Variants in CNTNAP4 observed in about 807,000 individuals in gnomAD.
CNTNAP4 encodes the protein contactin-associated protein-like 4.
A neutral mutation model predicts 148.4 loss-of-function variants in CNTNAP4; 98 were observed. The ratio of observed to expected loss-of-function variants is 0.66; its 90% confidence interval spans 0.56 to 0.78. The LOEUF (loss-of-function observed/expected upper bound fraction) is 0.78, where lower values mean the gene tolerates loss of function less well. Among genes scored for constraint, CNTNAP4 ranks in the 30% least tolerant of loss-of-function variants. The pLI is 0.00. For synonymous variants in CNTNAP4, 730 were observed against 565.1 expected, an observed-to-expected ratio of 1.29 and a Z score of -4.14; for missense variants, 1,935 against 1,565.6, an observed-to-expected ratio of 1.24 and a Z score of -3.98.
In CNTNAP4 at chr16:76,370,896, C is replaced by G. The variant is rs11647332; in HGVS notation, c.390+15385C>G. On this transcript the variant is annotated intron_variant, in intron 3 of 23. Transcript: ENST00000611870. ...AAGTTTCCCCCTAAATTTATGTTAA[C>G]TAGTGCCACATGTATAAAATGTTAC... Among the ~76,000 whole-genome samples the G allele has an allele frequency of 9.2e-3, 1,400 of 152,188 alleles. 19 individuals carry two copies. The highest frequency in any genetic ancestry group is 0.027 in the African/African-American group (1,125 of 41,506).
chr16:76,338,668 A>G (rs750944776), intron 2 of CNTNAP4, among the ~76,000 whole-genome samples: 1 of 152,072 alleles, frequency 6.6e-6, no homozygotes, highest in Non-Finnish European at 1.5e-5. Flanking sequence ...TAAAAGATGA[A>G]CTCCAGGAGG....
At chr16:76,529,421 A>T (rs1198467168) in intron 17 of CNTNAP4, among the ~76,000 whole-genome samples, 1 of 152,230 alleles carries the variant, frequency 6.6e-6, no homozygotes, top group Non-Finnish European at 1.5e-5. Flanking sequence ...GTAGACTCAC[A>T]AACATTGTCC....
intron 3 of CNTNAP4, among the ~76,000 whole-genome samples, chr16:76,389,753 A>G (rs561000776): frequency 6.6e-6 from 1 of 152,118 alleles, no homozygotes; most frequent in Admixed American, 6.6e-5. Context: ...GGCGTGAGCC[A>G]CCACATCCAG....
intron 15 of CNTNAP4, among the ~76,000 whole-genome samples, chr16:76,498,903 AG>A (rs1364749880): frequency 3.9e-5 from 6 of 152,148 alleles, no homozygotes; most frequent in Non-Finnish European, 8.8e-5. Flanking sequence ...GACTGGGGAC[AG>A]GAAAGAATGG....
chr16:76,431,355 A>G lies in CNTNAP4; in HGVS notation c.538+3756A>G, dbSNP rs534004027. ...CTCTTGTTTGGACAAGTGATGGTAG[A>G]ACCCCAAGCTAGAGGAACAGCAATC... is the stretch of plus-strand genomic sequence containing the variant. On this transcript the variant is annotated intron_variant, in intron 4 of 23. Coordinates refer to ENST00000611870, the MANE Select transcript of CNTNAP4 (RefSeq NM_033401.5). Among the ~76,000 whole-genome samples, 147 of 152,220 alleles carry G rather than the reference A, an allele frequency of 9.7e-4. 1 individual carries two copies. In the South Asian group the frequency reaches 0.015, roughly 16 times the overall value.
At chr16:76,413,872 T>G (rs2144937330) in intron 3 of CNTNAP4, among the ~76,000 whole-genome samples, 1 of 151,430 alleles carries the variant, frequency 6.6e-6, no homozygotes, top group South Asian at 2.1e-4. Context: ...CATTCAAAAA[T>G]TTCACTTTCT....
chr16:76,429,481 A>G (rs1289245786), intron 4 of CNTNAP4, among the ~76,000 whole-genome samples: 1 of 152,206 alleles, frequency 6.6e-6, no homozygotes, highest in Non-Finnish European at 1.5e-5. Flanking sequence ...CCCATTTATT[A>G]GAGAGAAAAC....
intron 3 of CNTNAP4, among the ~76,000 whole-genome samples, chr16:76,371,534 G>A (rs903173199): frequency 1.1e-4 from 16 of 152,012 alleles, no homozygotes; most frequent in African/African-American, 3.9e-4. Context: ...ATCTGCCCAC[G>A]TCAGCCTCCC....
At chr16:76,428,217 G>A (rs950925181) in intron 4 of CNTNAP4, among the ~76,000 whole-genome samples, 1 of 152,076 alleles carries the variant, frequency 6.6e-6, no homozygotes, top group Non-Finnish European at 1.5e-5. Flanking sequence ...TTGTGAGGAA[G>A]GGACCTAAGA....
At chr16:76,448,289 C>A in intron 5 of CNTNAP4, 74 bp downstream of exon 5, 1 of 1,068,414 alleles carries the variant, frequency 9.4e-7, no homozygotes, top group Non-Finnish European at 1.4e-6. Context: ...GCTTTTATAG[C>A]TTATCTTTTA....
intron 15 of CNTNAP4, among the ~76,000 whole-genome samples, chr16:76,511,821 G>T (rs1486156827): frequency 1.4e-5 from 2 of 139,128 alleles, no homozygotes; most frequent in African/African-American, 5.5e-5. Flanking sequence ...CGGTATTCTT[G>T]GAGCTTATAT....
chr16:76,331,908 A>G (rs899748604), intron 2 of CNTNAP4, among the ~76,000 whole-genome samples: 1 of 152,216 alleles, frequency 6.6e-6, no homozygotes, highest in African/African-American at 2.4e-5. Context: ...CCTACAGGCA[A>G]TAAACTCCTT....
intron 3 of CNTNAP4, among the ~76,000 whole-genome samples, chr16:76,404,787 A>G (rs1440107024): frequency 6.6e-6 from 1 of 152,150 alleles, no homozygotes; most frequent in Non-Finnish European, 1.5e-5. Flanking sequence ...AATTTATGAT[A>G]ATGGCTTTCT....
At chr16:76,369,702 TG>T (rs34475356) in intron 3 of CNTNAP4, among the ~76,000 whole-genome samples, 2 of 151,910 alleles carry the variant, frequency 1.3e-5, no homozygotes, top group African/African-American at 4.8e-5. Flanking sequence ...ATTAACCAGG[TG>T]GGGTGGTGCA....
rs1392876720 is a variant in CNTNAP4 at position 76,473,869 on chromosome 16, TTG to T, written c.1656-2068_1656-2067del. On this transcript the variant is annotated intron_variant, in intron 10 of 23. Coordinates refer to ENST00000611870, the MANE Select transcript of CNTNAP4 (RefSeq NM_033401.5). ...TTTTTTTGTTTTGTTTTGTTTTGTT[TTG>T]TTTTTTAATCTGGGATGAATGAGGG... is the stretch of plus-strand genomic sequence containing the variant. Among the ~76,000 whole-genome samples, 69 of 5,370 alleles carry T rather than the reference TTG, an allele frequency of 0.013. No individual in the cohort carries two copies. The Non-Finnish European group carries it at 0.16, about 12-fold the overall frequency. 3.5% of individuals were successfully genotyped at this position (5,370 alleles called of 152,430 possible). A position where few individuals can be genotyped will look rare whatever the true frequency, so the allele number is the denominator to read the frequency against.
chr16:76,444,208 T>C (rs532953759), intron 4 of CNTNAP4, among the ~76,000 whole-genome samples: 1 of 152,260 alleles, frequency 6.6e-6, no homozygotes, highest in Admixed American at 6.5e-5. Flanking sequence ...TTTGGAGATA[T>C]AGTTTCTACC....
intron 10 of CNTNAP4, among the ~76,000 whole-genome samples, chr16:76,474,509 A>T (rs996702018): frequency 6.6e-6 from 1 of 152,158 alleles, no homozygotes; most frequent in African/African-American, 2.4e-5. Context: ...AATTGGAAAA[A>T]TTTTATAAGC....
At chr16:76,281,877 A>G (rs1489245738) in intron 1 of CNTNAP4, among the ~76,000 whole-genome samples, 1 of 151,936 alleles carries the variant, frequency 6.6e-6, no homozygotes, top group African/African-American at 2.4e-5. Context: ...TCTTCCACTT[A>G]TTAGTAAACC....
chr16:76,457,229 C>G (rs939296709), intron 8 of CNTNAP4, among the ~76,000 whole-genome samples: 4 of 152,138 alleles, frequency 2.6e-5, no homozygotes, highest in Non-Finnish European at 4.4e-5. Context: ...AGTTGTATAG[C>G]TACAAAACAA....
Sources: gnomAD v4.1 joint callset for allele counts (sites outside exome capture counted in the v4.1 genomes callset) on GRCh38, gnomAD v4.1.1 for gene constraint, MANE v1.5 for transcripts, NCBI Gene and HGNC (gene_info 2026-07-23, HGNC 2026-07-21) for gene names.